Variants in AGBL1 observed in about 807,000 individuals in gnomAD.
The protein encoded by AGBL1 is cytosolic carboxypeptidase 4.
A neutral mutation model predicts 118.9 loss-of-function variants in AGBL1; 130 were observed. That is an observed-to-expected ratio of 1.09 (90% CI 0.95 to 1.26). The LOEUF (loss-of-function observed/expected upper bound fraction) is 1.26. Ranked by LOEUF, AGBL1 falls within the 50% of genes most tolerant of loss-of-function variation. The probability of loss-of-function intolerance (pLI) is 0.00; values close to 1 mark genes in which losing one functional copy is unlikely to be tolerated. For missense variants in AGBL1, 1,584 were observed against 1,298.1 expected (o/e 1.22, Z -3.38); for synonymous variants, 555 against 478.9 (o/e 1.16, Z -2.08).
At chr15:86,623,826 C>T (rs1017163272) in intron 21 of AGBL1, among the ~76,000 whole-genome samples, 5 of 152,302 alleles carry the variant, frequency 3.3e-5, no homozygotes, top group African/African-American at 1.2e-4. Context: ...TCAGTGCATA[C>T]ACTTCTGTGG....
chr15:86,453,034 C>A (rs1320200048), intron 18 of AGBL1, among the ~76,000 whole-genome samples: 3 of 152,144 alleles, frequency 2.0e-5, no homozygotes, highest in African/African-American at 7.2e-5. Flanking sequence ...CTGCCCTTAG[C>A]CTTATGTTAC....
At chr15:86,886,814 G>A (rs1305443150) in intron 22 of AGBL1, among the ~76,000 whole-genome samples, 1 of 152,136 alleles carries the variant, frequency 6.6e-6, no homozygotes, top group Non-Finnish European at 1.5e-5. Flanking sequence ...TTTGAGGAGA[G>A]GTGAGAGATC....
At chr15:86,446,802 C>G (rs1485456518) in intron 18 of AGBL1, among the ~76,000 whole-genome samples, 1 of 152,138 alleles carries the variant, frequency 6.6e-6, no homozygotes, top group African/African-American at 2.4e-5. Flanking sequence ...GGCAGAAATG[C>G]AATTTTGAAA....
intron 9 of AGBL1, among the ~76,000 whole-genome samples, chr15:86,259,106 C>T (rs1211021600): frequency 2.0e-5 from 3 of 152,134 alleles, no homozygotes; most frequent in South Asian, 2.1e-4. Flanking sequence ...GCATTTAGAC[C>T]GGTTACTTCT....
At chr15:86,430,736 GATA>G (rs2081926285) in intron 18 of AGBL1, among the ~76,000 whole-genome samples, 1 of 152,184 alleles carries the variant, frequency 6.6e-6, no homozygotes, top group African/African-American at 2.4e-5. Context: ...GTCCACAGGT[GATA>G]ATTGGGGTTT....
intron 18 of AGBL1, among the ~76,000 whole-genome samples, chr15:86,476,487 C>T (rs1474179024): frequency 1.3e-5 from 2 of 152,044 alleles, no homozygotes; most frequent in Admixed American, 6.6e-5. Flanking sequence ...ACAAAGAAGG[C>T]CATTACATAA....
At chr15:86,345,199 A>G (rs2080517895) in intron 17 of AGBL1, among the ~76,000 whole-genome samples, 1 of 151,854 alleles carries the variant, frequency 6.6e-6, no homozygotes, top group Non-Finnish European at 1.5e-5. Context: ...TAGGAGAGAG[A>G]GAGAACATTT....
intron 1 of AGBL1, among the ~76,000 whole-genome samples, chr15:86,120,005 C>T (rs761807764): frequency 2.6e-5 from 4 of 152,188 alleles, no homozygotes; most frequent in Non-Finnish European, 5.9e-5. Flanking sequence ...CATTCATTCT[C>T]GCACTCATTC....
chr15:86,469,130 T>A (rs2082444606), intron 18 of AGBL1, among the ~76,000 whole-genome samples: 1 of 152,134 alleles, frequency 6.6e-6, no homozygotes, highest in African/African-American at 2.4e-5. Context: ...AAGTATAAAA[T>A]ACATTATTAT....
rs36174307 is a variant in AGBL1 at position 86,410,842 on chromosome 15, A to AT, written c.2555+13296_2555+13297insT. On this transcript the variant is annotated intron_variant, in intron 18 of 22. Coordinates refer to ENST00000614907, the MANE Select transcript of AGBL1 (RefSeq NM_001386094.1). ...TATATATATATATATATATATATATAATATACTATTTTATATATAAAATAT... is the reference window on the plus strand; with the variant it reads ...TATATATATATATATATATATATATATATATACTATTTTATATATAAAATAT... 1.1e-3 allele frequency among the ~76,000 whole-genome samples: 83 copies of AT among 74,630 alleles called. 1 individual carries two copies. The highest frequency in any genetic ancestry group is 4.2e-3 in the African/African-American group (70 of 16,488). 49.0% of individuals were successfully genotyped at this position (74,630 alleles called of 152,430 possible). A position where few individuals can be genotyped will look rare whatever the true frequency, so the allele number is the denominator to read the frequency against.
At chr15:86,974,562 A>G (rs2081152595) in intron 23 of AGBL1, among the ~76,000 whole-genome samples, 1 of 135,798 alleles carries the variant, frequency 7.4e-6, no homozygotes. Context: ...TATATAATAT[A>G]AATTATATAT....
chr15:86,116,535 T>C (rs1203532410), intron 1 of AGBL1: 2 of 152,238 alleles, frequency 1.3e-5, no homozygotes, highest in Non-Finnish European at 2.9e-5. Context: ...GTCTAATCTG[T>C]TGTGGGCCCG....
intron 5 of AGBL1, among the ~76,000 whole-genome samples, chr15:86,191,794 A>C (rs1322612333): frequency 1.3e-5 from 2 of 151,962 alleles, no homozygotes; most frequent in Non-Finnish European, 2.9e-5. Context: ...TTATAATAAC[A>C]TATGAACACA....
At chr15:86,839,881 A>G (rs1226010713) in intron 22 of AGBL1, among the ~76,000 whole-genome samples, 1 of 152,124 alleles carries the variant, frequency 6.6e-6, no homozygotes, top group Non-Finnish European at 1.5e-5. Flanking sequence ...GATTCCCCTT[A>G]CCATAACCAC....
chr15:86,468,924 A>T (rs1180110345), intron 18 of AGBL1, among the ~76,000 whole-genome samples: 2 of 152,070 alleles, frequency 1.3e-5, no homozygotes, highest in Non-Finnish European at 2.9e-5. Flanking sequence ...CCTATGATTG[A>T]CTTTTTGTCT....
At chr15:86,763,421 G>A (rs892646886) in intron 22 of AGBL1, among the ~76,000 whole-genome samples, 3 of 151,686 alleles carry the variant, frequency 2.0e-5, no homozygotes, top group African/African-American at 7.3e-5. Flanking sequence ...AACAAATTAG[G>A]AAAAAAATTA....
At chr15:86,252,632 C>T (rs2078834533) in intron 7 of AGBL1, among the ~76,000 whole-genome samples, 1 of 152,130 alleles carries the variant, frequency 6.6e-6, no homozygotes, top group Admixed American at 6.5e-5. Context: ...ACCAGAGAAG[C>T]CTCCATGAAG....
intron 21 of AGBL1, among the ~76,000 whole-genome samples, chr15:86,660,067 A>G (rs1370897041): frequency 2.0e-5 from 3 of 151,816 alleles, no homozygotes; most frequent in African/African-American, 7.3e-5. Flanking sequence ...ATTGTTATGA[A>G]TTTAGCATAT....
intron 6 of AGBL1, among the ~76,000 whole-genome samples, chr15:86,244,452 A>C (rs2078689119): frequency 6.6e-6 from 1 of 152,144 alleles, no homozygotes; most frequent in South Asian, 2.1e-4. Context: ...CTCTTGTCGC[A>C]TTTTAGATAC....
Sources: gnomAD v4.1 joint callset for allele counts (sites outside exome capture counted in the v4.1 genomes callset) on GRCh38, gnomAD v4.1.1 for gene constraint, MANE v1.5 for transcripts, NCBI Gene and HGNC (gene_info 2026-07-23, HGNC 2026-07-21) for gene names.